The following TRAK1 variants were observed in gnomAD, a reference collection of about 807,000 sequenced individuals.
TRAK1 encodes trafficking kinesin protein 1.
TRAK1 carries 33 observed loss-of-function variants against 92.1 expected under a neutral mutation model. The ratio of observed to expected loss-of-function variants is 0.36; its 90% CI spans 0.27 to 0.48. The LOEUF (loss-of-function observed/expected upper bound fraction) is 0.48. Among genes scored for constraint, TRAK1 ranks in the 20% least tolerant of loss-of-function variants. The pLI is 0.99. For missense variants in TRAK1, 1,123 were observed against 1,257.9 expected (o/e 0.89, Z 1.62); for synonymous variants, 521 against 517.3 (o/e 1.01, Z -0.10).
chr3:42,136,442 T>C (rs149462921), intron 2 of TRAK1, among the ~76,000 whole-genome samples: 114 of 152,104 alleles, frequency 7.5e-4, no homozygotes, highest in Middle Eastern at 3.4e-3. Flanking sequence ...CTGGGCAACA[T>C]AGGGAAACCC....
chr3:42,215,805 G>C (rs1461741359), intron 14 of TRAK1, among the ~76,000 whole-genome samples: 1 of 152,186 alleles, frequency 6.6e-6, no homozygotes, highest in Non-Finnish European at 1.5e-5. Context: ...GGCATGGCCA[G>C]TGTTTCTCCG....
intron 1 of TRAK1, among the ~76,000 whole-genome samples, chr3:42,063,717 A>G (rs56158038): frequency 0.54 from 81,186 of 150,870 alleles, 23,319 homozygotes; most frequent in South Asian, 0.7. Flanking sequence ...TGGGAGCCAC[A>G]CAGTGAAAAA....
intron 1 of TRAK1, among the ~76,000 whole-genome samples, chr3:42,095,310 TG>T (rs1468106517): frequency 6.6e-6 from 1 of 152,222 alleles, no homozygotes; most frequent in African/African-American, 2.4e-5. Flanking sequence ...CTTAACCTCT[TG>T]TATAAAATAG....
At chr3:42,089,742 C>G (rs1559750026), upstream of TRAK1, among the ~76,000 whole-genome samples, 1 of 144,796 alleles carries the variant, frequency 6.9e-6, no homozygotes, top group Non-Finnish European at 1.5e-5. Context: ...AATTTTTTCC[C>G]CCAAACTTAA....
chr3:42,152,942 G>A (rs1396231746), intron 2 of TRAK1, among the ~76,000 whole-genome samples: 1 of 152,176 alleles, frequency 6.6e-6, no homozygotes, highest in Admixed American at 6.5e-5. Context: ...TGTGAACTCA[G>A]ATTCCCCATC....
rs1158357565 is a variant in TRAK1 at position 42,043,770 on chromosome 3, C to G, written c.-519+29653C>G. Among the ~76,000 whole-genome samples the G allele has an allele frequency of 9.9e-5, 15 of 151,284 alleles. No individual in the cohort carries two copies. The South Asian group carries it at 1.7e-3, about 17-fold the overall frequency. ...CCTGTTAGGATGACAGGACCCACCCCACCCCCCCGCCACCCCAACTCCCCA... is the reference window on the plus strand; with the variant it reads ...CCTGTTAGGATGACAGGACCCACCCGACCCCCCCGCCACCCCAACTCCCCA... On this transcript the variant is annotated intron_variant, in intron 1 of 16. Transcript: ENST00000487159.
At chr3:42,210,826 A>G (rs1305554604) in intron 14 of TRAK1, 1 of 985,326 alleles carries the variant, frequency 1.0e-6, no homozygotes, top group Non-Finnish European at 1.2e-6. Flanking sequence ...GAAGTTGGAA[A>G]AGAGCTCTGG....
chr3:42,016,302 T>A (rs1320572425), intron 1 of TRAK1, among the ~76,000 whole-genome samples: 2 of 152,146 alleles, frequency 1.3e-5, no homozygotes, highest in Non-Finnish European at 2.9e-5. Flanking sequence ...CCTCACAGGT[T>A]CAAGTGATTC....
intron 14 of TRAK1, chr3:42,218,930 C>T (rs1710023721): frequency 2.0e-6 from 2 of 985,172 alleles, no homozygotes; most frequent in Admixed American, 6.2e-5. Context: ...GCTGAAGTCC[C>T]CATCTCCCAC....
intron 1 of TRAK1, among the ~76,000 whole-genome samples, chr3:42,111,939 GAAA>G (rs1239429676): frequency 1.4e-5 from 2 of 145,544 alleles, no homozygotes; most frequent in African/African-American, 5.1e-5. Context: ...TTCAAATCTA[GAAA>G]AGAGTTTTCA....
intron 4 of TRAK1, among the ~76,000 whole-genome samples, chr3:42,185,308 A>G (rs1704633012): frequency 6.6e-6 from 1 of 152,260 alleles, no homozygotes; most frequent in Admixed American, 6.5e-5. Flanking sequence ...TCGTTGTAGT[A>G]TAATTTTGTG....
chr3:42,034,732 G>C (rs1342918816), intron 1 of TRAK1, among the ~76,000 whole-genome samples: 2 of 152,064 alleles, frequency 1.3e-5, no homozygotes, highest in African/African-American at 2.4e-5. Flanking sequence ...GAGCCACCAG[G>C]TGTGGTGCCT....
chr3:42,212,686 T>A, intron 14 of TRAK1: 3 of 533,194 alleles, frequency 5.6e-6, no homozygotes, highest in Non-Finnish European at 7.2e-6. Flanking sequence ...ATAGAAAGTA[T>A]ACTTTATCAG....
At chr3:42,088,102 A>T (rs1704776256), upstream of TRAK1, among the ~76,000 whole-genome samples, 1 of 152,232 alleles carries the variant, frequency 6.6e-6, no homozygotes, top group African/African-American at 2.4e-5. Flanking sequence ...AGTTGCATTC[A>T]TATAGAAGTT....
chr3:42,116,782 G>C (rs1709218819), intron 1 of TRAK1, among the ~76,000 whole-genome samples: 1 of 152,130 alleles, frequency 6.6e-6, no homozygotes, highest in African/African-American at 2.4e-5. Flanking sequence ...GAAAGTTGGT[G>C]GGTAAAGAAA....
chr3:42,127,347 CT>C (rs71741232), intron 2 of TRAK1, among the ~76,000 whole-genome samples: 16,644 of 127,752 alleles, frequency 0.13, 1,281 homozygotes, highest in African/African-American at 0.27. Context: ...CATTCATACA[CT>C]TTTTTTTTTT....
rs529415871 is a variant in TRAK1, at chr3:42,034,763, T to C, written c.-519+20646T>C. On this transcript the variant is annotated intron_variant, in intron 1 of 16. Coordinates refer to the TRAK1 transcript ENST00000487159. ...TGCCTCCAGCCCTCTTTCCCAGCCA[T>C]GTAAGGGCTGTTCTTCTGGTCTGCC... Among the ~76,000 whole-genome samples the C allele has an allele frequency of 2.0e-5, 3 of 152,230 alleles. No individual in the cohort carries two copies. The South Asian group carries it at 6.2e-4, about 32-fold the overall frequency.
At chr3:42,162,843 CA>C (rs1701421561) in intron 2 of TRAK1, among the ~76,000 whole-genome samples, 1 of 152,180 alleles carries the variant, frequency 6.6e-6, no homozygotes, top group Non-Finnish European at 1.5e-5. Context: ...CTGCAGCCAT[CA>C]GGGGCCACTG....
rs762669691 is a variant in TRAK1 at position 42,020,944 on chromosome 3, T to C, written c.-519+6827T>C. Among the ~76,000 whole-genome samples the C allele has an allele frequency of 5.5e-4, 84 of 152,254 alleles. 1 individual carries two copies. Among genetic ancestry groups the C allele is most frequent in the Non-Finnish European group, 1.6e-4 (11 of 68,012 alleles). Reference sequence around the variant, plus strand: ...AGTGTGAGATCCAGAGGTGTGGGCCTTGCCTGCACTGAAGAATTTCAAACC... The same window carrying C: ...AGTGTGAGATCCAGAGGTGTGGGCCCTGCCTGCACTGAAGAATTTCAAACC... On this transcript the variant is annotated intron_variant, in intron 1 of 16. Transcript: ENST00000487159.
Sources: gnomAD v4.1 joint callset for allele counts (sites outside exome capture counted in the v4.1 genomes callset) on GRCh38, gnomAD v4.1.1 for gene constraint, MANE v1.5 for transcripts, NCBI Gene and HGNC (gene_info 2026-07-23, HGNC 2026-07-21) for gene names.